Variants in CDH23 observed in about 807,000 individuals in gnomAD.
CDH23 encodes the protein cadherin-23.
Under a neutral mutation model 317.1 loss-of-function variants are expected in CDH23, and 189 were observed. The ratio of observed to expected loss-of-function variants is 0.60; its 90% CI spans 0.53 to 0.67. The LOEUF is 0.67. Among genes scored for constraint, CDH23 ranks in the 30% least tolerant of loss-of-function variants. CDH23 has a pLI of 0.00. For missense variants in CDH23, 4,401 were observed against 4,592.4 expected (o/e 0.96, Z 1.20); for synonymous variants, 1,839 against 1,876.8 (o/e 0.98, Z 0.52).
chr10:71,590,015 C>G (rs1859360927), intron 9 of CDH23, among the ~76,000 whole-genome samples: 1 of 152,182 alleles, frequency 6.6e-6, no homozygotes, highest in African/African-American at 2.4e-5. Context: ...GGATACTGAA[C>G]CCAGCAGGCT....
rs757280712 is a variant in CDH23, at chr10:71,687,712, C to G, written c.2052C>G (p.Ile684Met). The G allele has an allele frequency of 1.2e-6, 2 of 1,613,616 alleles. No individual in the cohort carries two copies. The highest frequency in any genetic ancestry group is 1.7e-6 in the Non-Finnish European group (2 of 1,179,810). The change falls in exon 19 of 70, where the codon ATC (isoleucine) becomes ATG (methionine). Residue 684 changes from isoleucine to methionine, a missense_variant. By Grantham distance (10) the Ile-to-Met change is conservative. This residue lies in a region of CDH23 where 3,068 missense variants were observed against 3,203.3 expected (regional missense o/e 0.96). Coordinates refer to ENST00000224721, the MANE Select transcript of CDH23 (RefSeq NM_022124.6). ...ACTTCGTCTCCGTGGTGGAGAACAT[C>G]ATGGCAGGTACAGGCTCAGGTCGGG... is the stretch of plus-strand genomic sequence containing the variant. The part of the protein sequence containing the change: ...PAYFVSVVEN[I>M]MAGATVLFLN...
chr10:71,657,483 C>G (rs1393246429), intron 14 of CDH23, among the ~76,000 whole-genome samples: 1 of 152,188 alleles, frequency 6.6e-6, no homozygotes, highest in Non-Finnish European at 1.5e-5. Context: ...TTGATTCTAC[C>G]ATTGTATAAA....
At chr10:71,474,725 T>A (rs1260053512) in intron 3 of CDH23, among the ~76,000 whole-genome samples, 1 of 152,254 alleles carries the variant, frequency 6.6e-6, no homozygotes, top group Non-Finnish European at 1.5e-5. Flanking sequence ...TCTGGTAGTC[T>A]TTCCTTCTTA....
In CDH23 at chr10:71,558,655, C is replaced by T. The variant is rs142449911; in HGVS notation, c.430-8087C>T. On this transcript the variant is annotated intron_variant, in intron 6 of 69. Transcript: ENST00000224721. Reference sequence around the variant, plus strand: ...CTCTTCATATATACCAGTGAGTTCACGTGTAGCTGCCTGGAAGCTTGCTGT... The same window carrying T: ...CTCTTCATATATACCAGTGAGTTCATGTGTAGCTGCCTGGAAGCTTGCTGT... 7.8e-3 allele frequency among the ~76,000 whole-genome samples: 1,189 copies of T among 152,250 alleles called. 13 individuals carry two copies. The highest frequency in any genetic ancestry group is 9.2e-3 in the Non-Finnish European group (625 of 68,026).
At chr10:71,553,311 C>T (rs114727960) in intron 6 of CDH23, among the ~76,000 whole-genome samples, 1 of 152,254 alleles carries the variant, frequency 6.6e-6, no homozygotes, top group South Asian at 2.1e-4. Context: ...TCTCCTCAAA[C>T]CCCCCGGCCC....
rs144493200 is a variant in CDH23, at chr10:71,814,692, AC to A, written c.9739-259del. On this transcript the variant is annotated intron_variant, in intron 69 of 69. Transcript: ENST00000224721. ...TCACAAGAAGCCGATACACACACAC[AC>A]AATTTTCACAAGAAGCCGATACACA... Among the ~76,000 whole-genome samples the A allele has an allele frequency of 0.095, 13,895 of 146,358 alleles. 948 individuals carry two copies. Among genetic ancestry groups the A allele is most frequent in the East Asian group, 0.32 (1,469 of 4,556 alleles).
At chr10:71,793,693 C>A in intron 48 of CDH23, 53 bp downstream of exon 48, 1 of 1,296,366 alleles carries the variant, frequency 7.7e-7, no homozygotes. Context: ...GTCCTGTCTC[C>A]TCGCTCCCTG....
At chr10:71,622,171 C>T (rs1801030170) in intron 11 of CDH23, among the ~76,000 whole-genome samples, 1 of 152,114 alleles carries the variant, frequency 6.6e-6, no homozygotes, top group African/African-American at 2.4e-5. Context: ...TGGGGAGCCA[C>T]GGTGAATCGG....
intron 38 of CDH23, among the ~76,000 whole-genome samples, chr10:71,764,564 A>G (rs1330614116): frequency 6.6e-6 from 1 of 152,240 alleles, no homozygotes; most frequent in Non-Finnish European, 1.5e-5. Context: ...TTAGAAAATC[A>G]GAAGATAATG....
intron 34 of CDH23, 47 bp downstream of exon 34, chr10:71,734,705 C>A: frequency 7.8e-7 from 1 of 1,281,268 alleles, no homozygotes; most frequent in Non-Finnish European, 1.1e-6. Context: ...TGGCTGTGGC[C>A]AGTGCTGGCC....
rs1364070523 is a variant in CDH23, at chr10:71,705,212, A to G, written c.2953+82A>G. On this transcript the variant is annotated intron_variant, in intron 25 of 69. Coordinates refer to ENST00000224721, the MANE Select transcript of CDH23 (RefSeq NM_022124.6). ...CAGGGGCAGGGGTAGAGGGGAGCCC[A>G]TGTCCCCCACTGCTGTCTATTGGAC... 90 of 1,309,998 alleles carry G rather than the reference A, an allele frequency of 6.9e-5. 1 individual carries two copies. The highest frequency in any genetic ancestry group is 9.1e-5 in the Non-Finnish European group (87 of 957,558). 81.1% of individuals were successfully genotyped at this position (1,309,998 alleles called of 1,614,324 possible). A position where few individuals can be genotyped will look rare whatever the true frequency, so the allele number is the denominator to read the frequency against.
chr10:71,573,566 C>A (rs962097058), intron 8 of CDH23, among the ~76,000 whole-genome samples: 1 of 152,234 alleles, frequency 6.6e-6, no homozygotes, highest in Non-Finnish European at 1.5e-5. Flanking sequence ...AGCTTCCGGT[C>A]TCCTGATGCT....
At chr10:71,503,085 G>A (rs1014687332) in intron 3 of CDH23, among the ~76,000 whole-genome samples, 3 of 152,256 alleles carry the variant, frequency 2.0e-5, no homozygotes, top group African/African-American at 4.8e-5. Context: ...AGGGGAAGCT[G>A]TGATTGTCCA....
intron 6 of CDH23, among the ~76,000 whole-genome samples, chr10:71,540,152 A>G (rs149290556): frequency 6.6e-6 from 1 of 152,238 alleles, no homozygotes; most frequent in Non-Finnish European, 1.5e-5. Context: ...AGGCAGTATG[A>G]TCTTCCTCCG....
chr10:71,790,698 G>A (rs764606055), intron 46 of CDH23: 16 of 498,202 alleles, frequency 3.2e-5, no homozygotes, highest in South Asian at 1.7e-4. Flanking sequence ...CTCCCCATGC[G>A]CAGGCCAGAG....
At chr10:71,468,214 G>A (rs993475560) in intron 3 of CDH23, among the ~76,000 whole-genome samples, 7 of 152,214 alleles carry the variant, frequency 4.6e-5, no homozygotes, top group African/African-American at 1.7e-4. Flanking sequence ...TTGATGGCAG[G>A]AAAGAGTATG....
At chr10:71,723,952 G>C in intron 28 of CDH23, 93 bp from the exon 29 acceptor site, 1 of 1,400,082 alleles carries the variant, frequency 7.1e-7, no homozygotes. Flanking sequence ...GGATGGGGTA[G>C]GATGCGTGAA....
intron 3 of CDH23, among the ~76,000 whole-genome samples, chr10:71,490,876 G>A (rs1412450745): frequency 1.3e-5 from 2 of 152,174 alleles, no homozygotes; most frequent in African/African-American, 2.4e-5. Flanking sequence ...CACTCAGCTT[G>A]TAAAAGTGGC....
intron 38 of CDH23, chr10:71,752,935 G>A (rs200964223): frequency 6.2e-7 from 1 of 1,607,590 alleles, no homozygotes; most frequent in Admixed American, 1.7e-5. Flanking sequence ...TGGATAGCCG[G>A]CCCAGGAAGT....
Sources: gnomAD v4.1 joint callset for allele counts (sites outside exome capture counted in the v4.1 genomes callset) on GRCh38, gnomAD v4.1.1 for gene constraint, gnomAD v4.1.1 regional missense constraint, MANE v1.5 for transcripts, NCBI Gene and HGNC (gene_info 2026-07-23, HGNC 2026-07-21) for gene names.